The following NPHS1 variants were observed in gnomAD, a reference collection of about 807,000 sequenced individuals.
NPHS1 encodes NPHS1 adhesion molecule, nephrin.
Under a neutral mutation model 139.7 loss-of-function variants are expected in NPHS1, and 107 were observed. That is an observed-to-expected ratio of 0.77 (90% confidence interval 0.66 to 0.90). The LOEUF (loss-of-function observed/expected upper bound fraction) is 0.90, where lower values mean the gene tolerates loss of function less well. Among genes scored for constraint, NPHS1 ranks in the 40% least tolerant of loss-of-function variants. The probability of loss-of-function intolerance (pLI) is 0.00; values close to 1 mark genes in which losing one functional copy is unlikely to be tolerated. For synonymous variants in NPHS1, 707 were observed against 706.6 expected (o/e 1.00, Z -0.01); for missense variants, 1,580 against 1,654.2 (o/e 0.96, Z 0.78).
At chr19:35,827,788 A>C (rs916701098) in intron 28 of NPHS1, among the ~76,000 whole-genome samples, 1 of 152,062 alleles carries the variant, frequency 6.6e-6, no homozygotes, top group Non-Finnish European at 1.5e-5. Flanking sequence ...ATGATGGTGC[A>C]TGCCTGTAAT....
chr19:35,833,702 C>CT (rs1225459542), intron 23 of NPHS1, among the ~76,000 whole-genome samples: 7 of 151,094 alleles, frequency 4.6e-5, no homozygotes, highest in Non-Finnish European at 8.9e-5. Context: ...AAGACTTTTT[C>CT]TTTTTTTTCT....
intron 28 of NPHS1, among the ~76,000 whole-genome samples, chr19:35,828,306 C>A (rs1363213916): frequency 2.0e-5 from 3 of 151,822 alleles, no homozygotes; most frequent in African/African-American, 7.3e-5. Flanking sequence ...TGGTTTGTTG[C>A]CCAGGCTGGA....
At chr19:35,848,596 C>T (rs768428467) in intron 9 of NPHS1, 41 bp downstream of exon 9, 26 of 1,610,984 alleles carry the variant, frequency 1.6e-5, no homozygotes, top group Non-Finnish European at 2.2e-5. Flanking sequence ...TGCCCTCAGC[C>T]CCCTCCATGC....
chr19:35,849,119 C>T lies in NPHS1; in HGVS notation c.869G>A (p.Gly290Asp), dbSNP rs1268915577. The change falls in exon 8 of 29, where the codon GGC (glycine) becomes GAC (aspartate). Residue 290 changes from glycine to aspartate, a missense_variant. Transcript: ENST00000378910. Reference protein sequence around the residue: ...KNGQPVSTAWGTEHTQAVARS... With the variant: ...KNGQPVSTAWDTEHTQAVARS... ...GGCCACCGCCTGGGTGTGCTCTGTG[C>T]CCCACGCTGTGGACACCGGCTGGCC... 2 of 1,609,534 alleles carry T rather than the reference C, an allele frequency of 1.2e-6. No individual in the cohort carries two copies. Among genetic ancestry groups the T allele is most frequent in the South Asian group, 1.1e-5 (1 of 91,080 alleles).
At chr19:35,835,038 A>AAAAGT (rs1434779186) in intron 23 of NPHS1, among the ~76,000 whole-genome samples, 2 of 151,528 alleles carry the variant, frequency 1.3e-5, no homozygotes, top group Non-Finnish European at 2.9e-5. Flanking sequence ...TCCCTACTAA[A>AAAAGT]AAAGTACAAC....
chr19:35,841,811 C>T lies in NPHS1; in HGVS notation c.2719G>A (p.Ala907Thr), dbSNP rs1555761935. The T allele has an allele frequency of 6.2e-7, 1 of 1,614,124 alleles. No individual in the cohort carries two copies. Among genetic ancestry groups the T allele is most frequent in the Non-Finnish European group, 8.5e-7 (1 of 1,180,018 alleles). Residue 907 changes from alanine (A) to threonine (T), a missense_variant, in exon 20 of 29, where the codon GCC becomes ACC. Ala to Thr is a moderately conservative substitution (Grantham distance 58). Transcript: ENST00000378910. ...TAATCCTGGGCGGCAGACACGTTGG[C>T]AATGGTCAGGAGGCTGCTGTGGACA... Reference protein sequence around the residue: ...GGVHSSLLTIANVSAAQDYAL... With the variant: ...GGVHSSLLTITNVSAAQDYAL...
intron 6 of NPHS1, 27 bp from the exon 7 acceptor site, chr19:35,849,390 C>G: frequency 6.2e-7 from 1 of 1,605,480 alleles, no homozygotes. Flanking sequence ...ACTCAGTGGG[C>G]CTGGAGTAGC....
At chr19:35,835,620 G>A in intron 23 of NPHS1, 85 bp downstream of exon 23, 1 of 1,219,776 alleles carries the variant, frequency 8.2e-7, no homozygotes, top group South Asian at 1.2e-5. Flanking sequence ...AAGCAGCTGT[G>A]ACTACAAGCA....
chr19:35,848,624 G>T lies in NPHS1; in HGVS notation c.1170+13C>A, dbSNP rs1376673948. 1 of 1,612,642 alleles carries T rather than the reference G, an allele frequency of 6.2e-7. No individual in the cohort carries two copies. The highest frequency in any genetic ancestry group is 1.1e-5 in the South Asian group (1 of 91,000). On this transcript the variant is annotated intron_variant, in intron 9 of 28. Coordinates refer to ENST00000378910, the MANE Select transcript of NPHS1 (RefSeq NM_004646.4). ...CTCCATGCTCAGACCCAGGAGCCTG[G>T]CCCCCGCCTCACATCCATGACTGTC...
rs764564455 is a variant in NPHS1 at position 35,831,700 on chromosome 19, T to C, written c.3229A>G (p.Asn1077Asp). The stretch of plus-strand genomic sequence containing the variant: ...AGGACCCCCCCGACACAGGAGGCAT[T>C]GGAGAGGAGCAGAAGCCCCCCAAGA... ...FALGGLLLLS[N>D]ASCVGGVLWQ... Residue 1077 changes from asparagine to aspartate, a missense_variant, in exon 24 of 29, where the codon AAT becomes GAT. By Grantham distance (23) the Asn-to-Asp change is conservative. Coordinates refer to ENST00000378910, the MANE Select transcript of NPHS1 (RefSeq NM_004646.4). 1 of 1,602,870 alleles carries C rather than the reference T, an allele frequency of 6.2e-7. No individual in the cohort carries two copies. The highest frequency in any genetic ancestry group is 8.5e-7 in the Non-Finnish European group (1 of 1,175,172).
Position 35,850,438 on chromosome 19 carries a change from C to T in NPHS1, c.534G>A (p.Gln178=). ...APDITILLSG[Q]TISDISANVN... is the part of the protein sequence containing the mutation. Reference sequence around the variant, plus strand: ...CGTTTGCAGAGATGTCAGATATTGTCTGTCCACCTTGGGGCAGCAAGAGGG... The same window carrying T: ...CGTTTGCAGAGATGTCAGATATTGTTTGTCCACCTTGGGGCAGCAAGAGGG... Residue 178 remains glutamine, a synonymous_variant, in exon 5 of 29, where the codon CAG becomes CAA. Coordinates refer to ENST00000378910, the MANE Select transcript of NPHS1 (RefSeq NM_004646.4). 2 of 1,614,086 alleles carry T rather than the reference C, an allele frequency of 1.2e-6. No homozygotes were observed. Among genetic ancestry groups the T allele is most frequent in the Non-Finnish European group, 1.7e-6 (2 of 1,179,970 alleles).
At chr19:35,849,465 T>C in intron 6 of NPHS1, 85 bp downstream of exon 6, 1 of 1,598,210 alleles carries the variant, frequency 6.3e-7, no homozygotes, top group Non-Finnish European at 8.6e-7. Flanking sequence ...AGTGCCTGAA[T>C]TTCCATAATC....
chr19:35,850,397 T>C lies in NPHS1; in HGVS notation c.575A>G (p.Gln192Arg). 1 of 1,614,190 alleles carries C rather than the reference T, an allele frequency of 6.2e-7. No homozygotes were observed. The highest frequency in any genetic ancestry group is 8.5e-7 in the Non-Finnish European group (1 of 1,180,022). The stretch of plus-strand genomic sequence containing the variant: ...GGCCTCCACAGTGAAGAGTTTCTGC[T>C]GGGAGCCCTCGTTCACGTTTGCAGA... ...DISANVNEGS[Q>R]QKLFTVEATA... Residue 192 changes from glutamine to arginine, a missense_variant, in exon 5 of 29, where the codon CAG becomes CGG. Gln to Arg is a conservative substitution (Grantham distance 43). Transcript: ENST00000378910.
intron 23 of NPHS1, among the ~76,000 whole-genome samples, chr19:35,833,695 A>C (rs1314926000): frequency 6.6e-6 from 1 of 151,376 alleles, no homozygotes; most frequent in Admixed American, 6.6e-5. Context: ...ATATACCAAG[A>C]CTTTTTCTTT....
Position 35,844,211 on chromosome 19 carries a change from C to T in NPHS1, c.2104G>A (p.Gly702Arg). The T allele has an allele frequency of 1.9e-6, 3 of 1,612,770 alleles. No individual in the cohort carries two copies. Among genetic ancestry groups the T allele is most frequent in the Non-Finnish European group, 2.5e-6 (3 of 1,179,944 alleles). The change falls in exon 16 of 29, where the codon GGG becomes AGG. Residue 702 changes from glycine to arginine, a missense_variant. Physicochemically the swap from Gly to Arg is moderately radical, Grantham distance 125 (BLOSUM62 -2). Coordinates refer to ENST00000378910, the MANE Select transcript of NPHS1 (RefSeq NM_004646.4). ...GGPRHRILSSGALHLWNVTRA... is the reference protein window; with the variant it reads ...GGPRHRILSSRALHLWNVTRA... ...GTCACATTCCACAGATGCAGAGCCC[C>T]GCTGGACAGGATGCGATGCCGGGGG...
chr19:35,842,342 G>A lies in NPHS1; in HGVS notation c.2506+37C>T. The stretch of plus-strand genomic sequence containing the variant: ...GAGACATGAGGGCTGTGGGTTCAGT[G>A]GCAGGTCTTGAAGTCAGGTGTTTGG... On this transcript the variant is annotated intron_variant, in intron 18 of 28. Coordinates refer to ENST00000378910, the MANE Select transcript of NPHS1 (RefSeq NM_004646.4). The A allele has an allele frequency of 2.5e-6, 4 of 1,612,692 alleles. No homozygotes were observed. In the South Asian group the frequency reaches 3.3e-5, roughly 13 times the overall value.
chr19:35,842,952 C>A (rs1332964400), intron 17 of NPHS1, among the ~76,000 whole-genome samples: 4 of 152,166 alleles, frequency 2.6e-5, no homozygotes, highest in African/African-American at 4.8e-5. Context: ...CAACTATTCA[C>A]TCACGCTTGC....
At chr19:35,832,120 A>G (rs1972893659) in intron 23 of NPHS1, among the ~76,000 whole-genome samples, 1 of 152,224 alleles carries the variant, frequency 6.6e-6, no homozygotes, top group Non-Finnish European at 1.5e-5. Flanking sequence ...TGGACTGTCC[A>G]GCCACACAAA....
At chr19:35,848,418 G>C in intron 9 of NPHS1, 21 bp from the exon 10 acceptor site, 1 of 1,614,100 alleles carries the variant, frequency 6.2e-7, no homozygotes, top group Non-Finnish European at 8.5e-7. Context: ...GTGAGCTTCA[G>C]ACGTGGGGAC....
Sources: allele counts gnomAD v4.1 joint callset (sites outside exome capture counted in the v4.1 genomes callset), GRCh38; gene constraint gnomAD v4.1.1; transcripts MANE v1.5; gene names NCBI Gene and HGNC (gene_info 2026-07-23, HGNC 2026-07-21).